ZNF804B: variants seen among roughly 807,000 people sequenced by gnomAD.
ZNF804B encodes zinc finger 804B.
In ZNF804B, 80 loss-of-function variants were observed where a neutral mutation model predicts 101.4. The observed-to-expected ratio is 0.79, with a 90% confidence interval of 0.66 to 0.95. ZNF804B has a LOEUF of 0.95. Ranked by LOEUF, ZNF804B falls within the 40% of genes least tolerant of loss-of-function variation. The probability of loss-of-function intolerance (pLI) is 0.00; values close to 1 mark genes in which losing one functional copy is unlikely to be tolerated. For missense variants in ZNF804B, 1,673 were observed against 1,561.9 expected (o/e 1.07, Z -1.20); for synonymous variants, 622 against 558.8 (o/e 1.11, Z -1.59).
chr7:89,286,845 T>C (rs1450014417), intron 2 of ZNF804B, among the ~76,000 whole-genome samples: 1 of 152,124 alleles, frequency 6.6e-6, no homozygotes, highest in African/African-American at 2.4e-5. Flanking sequence ...TTTAGAGCAA[T>C]TGAGAAAGCA....
At position 88,857,813 on chromosome 7, in the gene ZNF804B, C is replaced by CTTTCT. The variant is rs1377919342; in HGVS notation, c.108+97738_108+97742dup. ...CTTTCTTCCCTTTCTTTCTCCTTTC[C>CTTTCT]TTTCTTTTCTTTTTTTTTTTTTTTT... On this transcript the variant is annotated intron_variant, in intron 1 of 3. Transcript: ENST00000333190. Among the ~76,000 whole-genome samples the CTTTCT allele has an allele frequency of 1.4e-4, 17 of 122,060 alleles. 1 individual carries two copies. The highest frequency in any genetic ancestry group is 4.5e-3 in the Middle Eastern group (1 of 220). The allele number at this position is 122,060 out of a possible 152,430, so 80.1% of individuals were successfully genotyped here.
intron 3 of ZNF804B, among the ~76,000 whole-genome samples, chr7:89,332,976 C>T (rs1041016429): frequency 6.6e-6 from 1 of 151,700 alleles, no homozygotes; most frequent in Non-Finnish European, 1.5e-5. Flanking sequence ...TTTAAAGTGG[C>T]TTTTAATTCT....
Position 89,131,062 on chromosome 7 carries a change from A to G in ZNF804B, c.109-87093A>G, listed in dbSNP as rs149777569. 7.7e-3 allele frequency among the ~76,000 whole-genome samples: 1,168 copies of G among 152,138 alleles called. 10 individuals are homozygous for G. The highest frequency in any genetic ancestry group is 0.027 in the African/African-American group (1,102 of 41,540). On this transcript the variant is annotated intron_variant, in intron 1 of 3. Coordinates refer to ENST00000333190, the MANE Select transcript of ZNF804B (RefSeq NM_181646.5). Reference sequence around the variant, plus strand: ...GTATAGAAGCAGGGGAGCACATTTCATAAGTTGTCCCTTCTTCAGAATCTT... The same window carrying G: ...GTATAGAAGCAGGGGAGCACATTTCGTAAGTTGTCCCTTCTTCAGAATCTT...
chr7:88,790,623 T>C (rs1023763053), intron 1 of ZNF804B, among the ~76,000 whole-genome samples: 6 of 152,112 alleles, frequency 3.9e-5, no homozygotes, highest in Non-Finnish European at 7.4e-5. Flanking sequence ...TTCTGTATAG[T>C]ATATATTCAT....
intron 1 of ZNF804B, among the ~76,000 whole-genome samples, chr7:88,980,130 T>G (rs1793676165): frequency 6.6e-6 from 1 of 152,046 alleles, no homozygotes; most frequent in South Asian, 2.1e-4. Context: ...GTTAGTTACA[T>G]GTGTATACAT....
intron 1 of ZNF804B, among the ~76,000 whole-genome samples, chr7:89,010,376 G>T (rs1057165900): frequency 6.6e-6 from 1 of 152,028 alleles, no homozygotes; most frequent in Non-Finnish European, 1.5e-5. Flanking sequence ...ATAAAGTGGG[G>T]AAAAAAGTAA....
At chr7:88,894,783 G>A (rs565435308) in intron 1 of ZNF804B, among the ~76,000 whole-genome samples, 1 of 152,174 alleles carries the variant, frequency 6.6e-6, no homozygotes, top group East Asian at 1.9e-4. Flanking sequence ...TTATTTTGAT[G>A]ATATAATATT....
chr7:89,255,698 A>G (rs898937262), intron 2 of ZNF804B, among the ~76,000 whole-genome samples: 3 of 152,224 alleles, frequency 2.0e-5, no homozygotes, highest in South Asian at 4.1e-4. Flanking sequence ...TAATAAAATC[A>G]TAAAAAGCAG....
chr7:89,283,477 A>G (rs1790130566), intron 2 of ZNF804B, among the ~76,000 whole-genome samples: 1 of 152,156 alleles, frequency 6.6e-6, no homozygotes, highest in Non-Finnish European at 1.5e-5. Context: ...TGTGTGGACT[A>G]CAAATGAGCC....
chr7:89,020,552 G>T (rs73385179), intron 1 of ZNF804B, among the ~76,000 whole-genome samples: 15,984 of 152,036 alleles, frequency 0.11, 930 homozygotes, highest in Non-Finnish European at 0.12. Flanking sequence ...GGTCTGTTTG[G>T]CTTAAATCTA....
intron 1 of ZNF804B, among the ~76,000 whole-genome samples, chr7:89,165,458 TG>T (rs1382046953): frequency 1.3e-5 from 2 of 152,088 alleles, no homozygotes; most frequent in Non-Finnish European, 2.9e-5. Context: ...CAAAGCAGAA[TG>T]GGAGAAACCA....
intron 1 of ZNF804B, among the ~76,000 whole-genome samples, chr7:88,980,261 T>A (rs1204479323): frequency 2.0e-5 from 3 of 152,066 alleles, no homozygotes; most frequent in African/African-American, 7.2e-5. Flanking sequence ...TTGAATTCTC[T>A]GTCTGAAAGG....
intron 1 of ZNF804B, among the ~76,000 whole-genome samples, chr7:89,068,241 G>T (rs1009962656): frequency 6.6e-6 from 1 of 151,356 alleles, no homozygotes; most frequent in African/African-American, 2.4e-5. Context: ...TCTTCTTAAA[G>T]TTGTAGCAAT....
chr7:89,280,707 A>G (rs1790078944), intron 2 of ZNF804B, among the ~76,000 whole-genome samples: 1 of 152,244 alleles, frequency 6.6e-6, no homozygotes, highest in Non-Finnish European at 1.5e-5. Flanking sequence ...TAAACCAGGA[A>G]GAAGTTGAAT....
At chr7:88,954,339 T>G (rs1289287534) in intron 1 of ZNF804B, among the ~76,000 whole-genome samples, 2 of 151,842 alleles carry the variant, frequency 1.3e-5, no homozygotes, top group East Asian at 3.9e-4. Context: ...TTACTTCTGT[T>G]TACTGTTACT....
At chr7:88,945,355 C>T (rs1793112491) in intron 1 of ZNF804B, among the ~76,000 whole-genome samples, 1 of 152,042 alleles carries the variant, frequency 6.6e-6, no homozygotes, top group African/African-American at 2.4e-5. Context: ...GATCCTTTCC[C>T]TATTGCTTGT....
chr7:88,773,084 A>C (rs1391773921), intron 1 of ZNF804B, among the ~76,000 whole-genome samples: 1 of 152,216 alleles, frequency 6.6e-6, no homozygotes, highest in Non-Finnish European at 1.5e-5. Context: ...TAAATTAGCT[A>C]TCTGATACAC....
chr7:89,266,410 G>A (rs1213928686), intron 2 of ZNF804B, among the ~76,000 whole-genome samples: 2 of 152,046 alleles, frequency 1.3e-5, no homozygotes, highest in Non-Finnish European at 2.9e-5. Context: ...TTTCCAAGTA[G>A]CAGCATTGAC....
chr7:88,767,499 C>A (rs1341730026), intron 1 of ZNF804B, among the ~76,000 whole-genome samples: 3 of 152,158 alleles, frequency 2.0e-5, no homozygotes, highest in Admixed American at 6.5e-5. Flanking sequence ...TATGCATTTT[C>A]TTTTTGTGAA....
Sources: gnomAD v4.1 joint callset for allele counts (sites outside exome capture counted in the v4.1 genomes callset) on GRCh38, gnomAD v4.1.1 for gene constraint, MANE v1.5 for transcripts, NCBI Gene and HGNC (gene_info 2026-07-23, HGNC 2026-07-21) for gene names.